PELI2: variants seen among roughly 807,000 people sequenced by gnomAD.
PELI2 encodes E3 ubiquitin-protein ligase pellino homolog 2.
In PELI2, 23 loss-of-function variants were observed where a neutral mutation model predicts 42.3. The ratio of observed to expected loss-of-function variants is 0.54; its 90% CI spans 0.39 to 0.77. The LOEUF (loss-of-function observed/expected upper bound fraction) is 0.77. Ranked by LOEUF, PELI2 falls within the 30% of genes least tolerant of loss-of-function variation. PELI2 has a pLI of 0.00. For synonymous variants in PELI2, 245 were observed against 212.2 expected (o/e 1.15, Z -1.34); for missense variants, 463 against 553.2 (o/e 0.84, Z 1.64).
At chr14:56,251,622 G>T (rs183035737) in intron 2 of PELI2, among the ~76,000 whole-genome samples, 1 of 152,272 alleles carries the variant, frequency 6.6e-6, no homozygotes, top group African/African-American at 2.4e-5. Flanking sequence ...GCCCCTGTTT[G>T]ATTCCACACC....
intron 1 of PELI2, among the ~76,000 whole-genome samples, chr14:56,163,869 G>C (rs1884856906): frequency 6.6e-6 from 1 of 152,002 alleles, no homozygotes; most frequent in African/African-American, 2.4e-5. Flanking sequence ...TTCAGTATTG[G>C]CACATAGAAA....
At chr14:56,211,275 A>G (rs1309779733) in intron 2 of PELI2, among the ~76,000 whole-genome samples, 1 of 150,084 alleles carries the variant, frequency 6.7e-6, no homozygotes, top group African/African-American at 2.4e-5. Context: ...GGCTCAGGCC[A>G]CCCTGAAGGT....
At chr14:56,244,222 A>G (rs867865994) in intron 2 of PELI2, among the ~76,000 whole-genome samples, 1 of 152,224 alleles carries the variant, frequency 6.6e-6, no homozygotes, top group Non-Finnish European at 1.5e-5. Context: ...TGCAACATCA[A>G]CCTCCAAACT....
At chr14:56,136,072 C>A (rs541284880) in intron 1 of PELI2, among the ~76,000 whole-genome samples, 34 of 152,272 alleles carry the variant, frequency 2.2e-4, no homozygotes, top group African/African-American at 7.7e-4. Context: ...CAACAGAATT[C>A]TCTGAAAATC....
Position 56,296,630 on chromosome 14 carries a change from G to T in PELI2, c.727G>T (p.Gly243Cys). Residue 243 changes from glycine (G) to cysteine (C), a missense_variant, in exon 6 of 6, where the codon GGC becomes TGC. By Grantham distance (159) the Gly-to-Cys change is radical (BLOSUM62 -3). This residue lies in a region of PELI2 where 343 missense variants were observed against 378.4 expected (regional missense o/e 0.91). Coordinates refer to ENST00000267460, the MANE Select transcript of PELI2 (RefSeq NM_021255.3). The part of the protein sequence containing the change: ...VESETNVLQD[G>C]SLIDLCGATL... ...AAGTGAGACCAACGTCCTGCAGGAC[G>T]GCTCCCTCATTGACCTGTGTGGGGC... 6.2e-7 allele frequency: 1 copy of T among 1,610,204 alleles called. No homozygotes were observed. Among genetic ancestry groups the T allele is most frequent in the Non-Finnish European group, 8.5e-7 (1 of 1,177,110 alleles).
chr14:56,142,386 A>C (rs1490656043), intron 1 of PELI2, among the ~76,000 whole-genome samples: 1 of 152,036 alleles, frequency 6.6e-6, no homozygotes. Context: ...CAGTTGCTAA[A>C]TTGTCAGAGT....
intron 1 of PELI2, chr14:56,119,629 A>T (rs1205831014): frequency 3.8e-6 from 1 of 260,736 alleles, no homozygotes; most frequent in Non-Finnish European, 6.0e-6. Flanking sequence ...TGACATTTCT[A>T]TTGTTTACCC....
chr14:56,279,912 T>G, intron 3 of PELI2, 135 bp downstream of exon 3: 1 of 417,512 alleles, frequency 2.4e-6, no homozygotes, highest in Non-Finnish European at 4.2e-6. Context: ...TATTCCTGTT[T>G]GGTTGTTGAA....
Position 56,118,481 on chromosome 14 carries a change from C to T in PELI2, c.-180C>T. The stretch of plus-strand genomic sequence containing the variant: ...GCTCCGGGGAGTCAGGCGGAGCAGC[C>T]GCGCAGCCACGACGGAGCAGCAGCG... On this transcript the variant is annotated 5_prime_UTR_variant, in exon 1 of 6. Transcript: ENST00000267460. 1 of 347,172 alleles carries T rather than the reference C, an allele frequency of 2.9e-6. No homozygotes were observed. Among genetic ancestry groups the T allele is most frequent in the Non-Finnish European group, 5.1e-6 (1 of 197,110 alleles). The allele number at this position is 347,172 out of a possible 1,614,324, so 21.5% of individuals were successfully genotyped here.
chr14:56,165,609 A>G (rs578084500), intron 1 of PELI2, among the ~76,000 whole-genome samples: 8 of 152,252 alleles, frequency 5.3e-5, no homozygotes, highest in South Asian at 2.1e-4. Flanking sequence ...CATTTTTTCC[A>G]TAGTGCAAAT....
At chr14:56,226,639 C>T (rs12589933) in intron 2 of PELI2, among the ~76,000 whole-genome samples, 7,178 of 152,234 alleles carry the variant, frequency 0.047, 300 homozygotes, top group East Asian at 0.23. Flanking sequence ...ACGTAGATGC[C>T]ATGGCACTTG....
chr14:56,263,878 C>G (rs1004155993), intron 2 of PELI2, among the ~76,000 whole-genome samples: 2 of 74,420 alleles, frequency 2.7e-5, no homozygotes, highest in Non-Finnish European at 5.3e-5. Flanking sequence ...AAGCACAGAT[C>G]TTAATGCAGA....
chr14:56,271,479 C>T (rs1889102677), intron 2 of PELI2, among the ~76,000 whole-genome samples: 1 of 152,176 alleles, frequency 6.6e-6, no homozygotes, highest in African/African-American at 2.4e-5. Context: ...TTTCGTTTGG[C>T]CCTTTCTGTG....
At chr14:56,132,891 A>G (rs1369510490) in intron 1 of PELI2, among the ~76,000 whole-genome samples, 1 of 152,196 alleles carries the variant, frequency 6.6e-6, no homozygotes, top group Non-Finnish European at 1.5e-5. Flanking sequence ...TGTGAACACT[A>G]ATCATTAACA....
intron 2 of PELI2, 105 bp from the exon 3 acceptor site, chr14:56,279,571 C>T: frequency 1.7e-6 from 1 of 576,362 alleles, no homozygotes; most frequent in East Asian, 3.0e-5. Flanking sequence ...AAAATGCTGG[C>T]TTGTGCTGGG....
intron 1 of PELI2, among the ~76,000 whole-genome samples, chr14:56,155,440 T>C (rs242409): frequency 0.84 from 127,490 of 152,096 alleles, 53,978 homozygotes; most frequent in African/African-American, 0.96. Context: ...TCAGTTTCCC[T>C]AGCACAATCG....
At chr14:56,186,901 A>G (rs1471292840) in intron 2 of PELI2, among the ~76,000 whole-genome samples, 2 of 152,158 alleles carry the variant, frequency 1.3e-5, no homozygotes, top group African/African-American at 4.8e-5. Flanking sequence ...TTATGCTTCT[A>G]CTCAAACTTA....
intron 2 of PELI2, among the ~76,000 whole-genome samples, chr14:56,261,287 C>G (rs1888707524): frequency 6.6e-6 from 1 of 152,172 alleles, no homozygotes; most frequent in Admixed American, 6.5e-5. Flanking sequence ...TGCTTGATCT[C>G]TCTGCCCCAG....
chr14:56,232,886 A>G (rs2139774883), intron 2 of PELI2, among the ~76,000 whole-genome samples: 1 of 152,246 alleles, frequency 6.6e-6, no homozygotes, highest in African/African-American at 2.4e-5. Context: ...AAATCTCCTT[A>G]AGCTGAAAGC....
Sources: allele counts gnomAD v4.1 joint callset (sites outside exome capture counted in the v4.1 genomes callset), GRCh38; gene constraint gnomAD v4.1.1; regional missense constraint gnomAD v4.1.1; transcripts MANE v1.5; gene names NCBI Gene and HGNC (gene_info 2026-07-23, HGNC 2026-07-21).